Variants in AHCY observed in about 807,000 individuals in gnomAD.
The protein encoded by AHCY is S-adenosyl-L-homocysteine hydrolase.
Under a neutral mutation model 45.4 loss-of-function variants are expected in AHCY, and 24 were observed. The observed-to-expected ratio is 0.53, with a 90% CI of 0.38 to 0.74. The LOEUF (loss-of-function observed/expected upper bound fraction) is 0.74. AHCY is among the 30% of genes least tolerant of loss of function. The pLI, the probability that AHCY is intolerant of heterozygous loss-of-function variation, is 0.00. For synonymous variants in AHCY, 245 were observed against 235.1 expected (o/e 1.04, Z -0.39); for missense variants, 449 against 594.1 (o/e 0.76, Z 2.54).
In AHCY at chr20:34,294,070, G is replaced by A. The variant is rs1256130060; in HGVS notation, c.295+11C>T. On this transcript the variant is annotated intron_variant, in intron 3 of 9. Transcript: ENST00000217426. ...CACAAATTCCACGTCTCAGAAGCAA[G>A]CAGGACTTACCCGGAATGCCAGCCT... is the stretch of plus-strand genomic sequence containing the variant. 6.2e-7 allele frequency: 1 copy of A among 1,613,892 alleles called. No individual in the cohort carries two copies. The highest frequency in any genetic ancestry group is 1.7e-5 in the Admixed American group (1 of 60,018).
chr20:34,292,209 A>G, intron 4 of AHCY, 149 bp downstream of exon 4: 1 of 1,134,394 alleles, frequency 8.8e-7, no homozygotes, highest in East Asian at 2.6e-5. Context: ...AGGAGGCCCC[A>G]GCATGAATGC....
At chr20:34,266,159 C>T in the AHCY span, among the ~76,000 whole-genome samples, 2 of 151,182 alleles carry the variant, frequency 1.3e-5, no homozygotes, top group Non-Finnish European at 2.9e-5. Flanking sequence ...CAAGACCATC[C>T]TGGCTAACAC....
intron 1 of AHCY, chr20:34,302,734 G>C (rs1258694587): frequency 1.0e-6 from 1 of 989,500 alleles, no homozygotes; most frequent in Non-Finnish European, 1.2e-6. Flanking sequence ...CTGGCCCAAA[G>C]TCCCAGGGGA....
At chr20:34,300,827 G>C (rs142463883) in intron 1 of AHCY, among the ~76,000 whole-genome samples, 1 of 152,328 alleles carries the variant, frequency 6.6e-6, no homozygotes, top group African/African-American at 2.4e-5. Flanking sequence ...TGCAAGGAGA[G>C]AGACCAGACT....
the AHCY span, among the ~76,000 whole-genome samples, chr20:34,235,888 A>AG: frequency 7.3e-4 from 69 of 94,402 alleles, 8 homozygotes; most frequent in African/African-American, 5.3e-3. Context: ...GAAGGAAGGA[A>AG]GGAAGGAAGG....
chr20:34,271,494 G>A, the AHCY span, among the ~76,000 whole-genome samples: 1 of 151,788 alleles, frequency 6.6e-6, no homozygotes, highest in Non-Finnish European at 1.5e-5. Flanking sequence ...ATTGATTCAG[G>A]ATCATTTCTT....
the AHCY span, chr20:34,245,840 G>T: frequency 1.3e-6 from 1 of 765,200 alleles, no homozygotes; most frequent in Non-Finnish European, 1.7e-6. Flanking sequence ...TTTTACTGTA[G>T]AATATATATA....
chr20:34,310,054 A>G (rs1555838433), intron 1 of AHCY, among the ~76,000 whole-genome samples: 1 of 151,700 alleles, frequency 6.6e-6, no homozygotes, highest in Non-Finnish European at 1.5e-5. Flanking sequence ...GGGAAATTGA[A>G]TGATGAATTT....
At chr20:34,274,494 C>T in the AHCY span, among the ~76,000 whole-genome samples, 1 of 152,096 alleles carries the variant, frequency 6.6e-6, no homozygotes, top group Admixed American at 6.5e-5. Context: ...CAACAGACTC[C>T]CCATGTGACT....
chr20:34,232,083 C>T, the AHCY span, among the ~76,000 whole-genome samples: 1 of 152,176 alleles, frequency 6.6e-6, no homozygotes, highest in Non-Finnish European at 1.5e-5. Flanking sequence ...AACACAAAGG[C>T]CCAGATGAAG....
intron 1 of AHCY, among the ~76,000 whole-genome samples, chr20:34,300,511 C>T (rs950209186): frequency 6.6e-6 from 1 of 152,204 alleles, no homozygotes; most frequent in Non-Finnish European, 1.5e-5. Flanking sequence ...ATTTCCACCT[C>T]AGGGCTTTAA....
chr20:34,291,744 G>C (rs1459970959), intron 4 of AHCY, among the ~76,000 whole-genome samples: 1 of 152,092 alleles, frequency 6.6e-6, no homozygotes, highest in Non-Finnish European at 1.5e-5. Flanking sequence ...CTCTGCCTCC[G>C]AACAACTCCC....
chr20:34,246,315 C>G, the AHCY span: 1 of 1,549,986 alleles, frequency 6.5e-7, no homozygotes, highest in African/African-American at 1.4e-5. Flanking sequence ...ATTCCAGCTT[C>G]TTGTTTGGGT....
chr20:34,269,994 G>T, the AHCY span, among the ~76,000 whole-genome samples: 3 of 81,794 alleles, frequency 3.7e-5, no homozygotes, highest in African/African-American at 1.0e-4. Flanking sequence ...AAAAAAGAAA[G>T]AAATCCGAGG....
At chr20:34,241,536 T>G in the AHCY span, 10 of 985,408 alleles carry the variant, frequency 1.0e-5, no homozygotes, top group Non-Finnish European at 1.2e-5. Context: ...GTGAAGCTGC[T>G]GCTACTTTGG....
the AHCY span, among the ~76,000 whole-genome samples, chr20:34,247,978 G>A: frequency 6.6e-6 from 1 of 152,194 alleles, no homozygotes. Flanking sequence ...GGCCAAGGAG[G>A]GCAGATCGCC....
At chr20:34,240,150 G>GA in the AHCY span, among the ~76,000 whole-genome samples, 1 of 152,026 alleles carries the variant, frequency 6.6e-6, no homozygotes, top group Non-Finnish European at 1.5e-5. Flanking sequence ...GGAAAGAAGG[G>GA]AAAAAAAGAG....
chr20:34,284,431 G>A (rs2036103106), intron 9 of AHCY, among the ~76,000 whole-genome samples: 1 of 152,022 alleles, frequency 6.6e-6, no homozygotes, highest in African/African-American at 2.4e-5. Flanking sequence ...CAAAGTGCTG[G>A]GATTACAGGT....
intron 1 of AHCY, among the ~76,000 whole-genome samples, chr20:34,297,651 A>G (rs545402959): frequency 6.6e-6 from 1 of 152,004 alleles, no homozygotes; most frequent in Non-Finnish European, 1.5e-5. Flanking sequence ...CAGCAATCCT[A>G]TGACATTTTC....
Sources: allele counts gnomAD v4.1 joint callset (sites outside exome capture counted in the v4.1 genomes callset), GRCh38; gene constraint gnomAD v4.1.1; transcripts MANE v1.5; gene names NCBI Gene and HGNC (gene_info 2026-07-23, HGNC 2026-07-21).